The following NR3C1 variants were observed in gnomAD, a reference collection of about 807,000 sequenced individuals.
The protein encoded by NR3C1 is glucocorticoid receptor.
NR3C1 carries 14 observed loss-of-function variants against 74.0 expected under a neutral mutation model. The ratio of observed to expected loss-of-function variants is 0.19; its 90% CI spans 0.12 to 0.30. NR3C1 has a LOEUF of 0.30. Among genes scored for constraint, NR3C1 ranks in the 10% least tolerant of loss-of-function variants. The pLI is 1.00. For synonymous variants in NR3C1, 308 were observed against 332.5 expected (o/e 0.93, Z 0.80); for missense variants, 695 against 909.8 (o/e 0.76, Z 3.04).
upstream of NR3C1, among the ~76,000 whole-genome samples, chr5:143,406,249 C>T (rs910283295): frequency 2.6e-5 from 4 of 151,952 alleles, no homozygotes; most frequent in African/African-American, 7.3e-5. Flanking sequence ...CCTCATCGCT[C>T]ATACATGCTC....
chr5:143,414,497 A>C (rs1014181018), intron 1 of NR3C1, among the ~76,000 whole-genome samples: 1 of 152,218 alleles, frequency 6.6e-6, no homozygotes, highest in African/African-American at 2.4e-5. Context: ...AATTACCATC[A>C]GCAAATAGTT....
intron 6 of NR3C1, among the ~76,000 whole-genome samples, chr5:143,297,809 G>C (rs924245555): frequency 3.9e-5 from 6 of 152,214 alleles, no homozygotes; most frequent in Non-Finnish European, 8.8e-5. Context: ...TGAACACCAA[G>C]AGTCTAAGAG....
exon 1 of NR3C1, chr5:143,435,280 A>G: frequency 1.0e-6 from 1 of 985,292 alleles, no homozygotes; most frequent in Non-Finnish European, 1.2e-6. Flanking sequence ...ACGGTCCTGC[A>G]GGGCTTGAAA....
chr5:143,344,888 C>G (rs916799587), intron 2 of NR3C1, among the ~76,000 whole-genome samples: 4 of 151,848 alleles, frequency 2.6e-5, no homozygotes, highest in Non-Finnish European at 2.9e-5. Context: ...CCACCCTCAC[C>G]CCCCACAAAA....
chr5:143,323,272 T>A lies in NR3C1; in HGVS notation c.1185-9104A>T, dbSNP rs374653354. ...GGAAGAAAAAGAGGTTTAATTGGAC[T>A]TACAGTTCCACATGGCTGGGGAAGC... On this transcript the variant is annotated intron_variant, in intron 2 of 8. Coordinates refer to ENST00000394464, the MANE Select transcript of NR3C1 (RefSeq NM_000176.3). Among the ~76,000 whole-genome samples the A allele has an allele frequency of 2.6e-5, 4 of 152,284 alleles. No individual in the cohort carries two copies. The East Asian group carries it at 7.7e-4, about 29-fold the overall frequency.
chr5:143,295,485 C>T lies in NR3C1; in HGVS notation c.1998G>A (p.Met666Ile). Residue 666 changes from methionine (M) to isoleucine (I), a missense_variant, in exon 7 of 9, where the codon ATG becomes ATA. By Grantham distance (10) the Met-to-Ile change is conservative. This residue lies in a region of NR3C1 where 133 missense variants were observed against 287.9 expected (regional missense o/e 0.46). Transcript: ENST00000394464. ...LQVSYEEYLC[M>I]KTLLLLSSVP... ...CTGAAGAGAGAAGCAGTAAGGTTTT[C>T]ATACAGAGATACTCTTCATAAGATA... 1 of 1,613,006 alleles carries T rather than the reference C, an allele frequency of 6.2e-7. No individual in the cohort carries two copies. The highest frequency in any genetic ancestry group is 8.5e-7 in the Non-Finnish European group (1 of 1,179,326).
chr5:143,370,653 A>C (rs971152002), intron 2 of NR3C1, among the ~76,000 whole-genome samples: 1 of 152,214 alleles, frequency 6.6e-6, no homozygotes, highest in East Asian at 1.9e-4. Context: ...ATTTAGCTGA[A>C]GCTGTATTGG....
At chr5:143,313,420 A>G (rs1339606493) in intron 3 of NR3C1, among the ~76,000 whole-genome samples, 1 of 152,108 alleles carries the variant, frequency 6.6e-6, no homozygotes, top group Non-Finnish European at 1.5e-5. Context: ...CCTCATCTAT[A>G]TTATAATCTC....
chr5:143,421,234 T>C (rs1311216451), intron 1 of NR3C1, among the ~76,000 whole-genome samples: 1 of 152,154 alleles, frequency 6.6e-6, no homozygotes, highest in African/African-American at 2.4e-5. Context: ...TCCCATAGTC[T>C]TCCTAACACT....
intron 2 of NR3C1, among the ~76,000 whole-genome samples, chr5:143,362,905 G>T (rs1228836464): frequency 6.6e-6 from 1 of 152,174 alleles, no homozygotes; most frequent in Non-Finnish European, 1.5e-5. Flanking sequence ...GTCTGTAAGG[G>T]CTTTGAAAGG....
intron 4 of NR3C1, among the ~76,000 whole-genome samples, chr5:143,306,819 T>C (rs1819691001): frequency 6.6e-6 from 1 of 151,812 alleles, no homozygotes. Flanking sequence ...AAGCATATAA[T>C]TGGTTATTTT....
chr5:143,288,872 G>T (rs945007216), intron 7 of NR3C1, among the ~76,000 whole-genome samples: 1 of 151,964 alleles, frequency 6.6e-6, no homozygotes, highest in Non-Finnish European at 1.5e-5. Context: ...TTGGGAGGCC[G>T]AGGTGGGTGG....
chr5:143,313,235 T>C (rs1377066328), intron 3 of NR3C1, among the ~76,000 whole-genome samples: 3 of 152,236 alleles, frequency 2.0e-5, no homozygotes, highest in Non-Finnish European at 4.4e-5. Context: ...TTAGACTCTC[T>C]TCTAATAAAT....
At chr5:143,364,320 T>C (rs990315397) in intron 2 of NR3C1, among the ~76,000 whole-genome samples, 3 of 152,170 alleles carry the variant, frequency 2.0e-5, no homozygotes, top group Non-Finnish European at 1.5e-5. Context: ...AAGGATAAAT[T>C]AACACATTCC....
At chr5:143,322,155 C>T (rs1390032366) in intron 2 of NR3C1, among the ~76,000 whole-genome samples, 1 of 152,168 alleles carries the variant, frequency 6.6e-6, no homozygotes, top group Non-Finnish European at 1.5e-5. Context: ...TAATCCTCTC[C>T]ACAGACCTAA....
intron 2 of NR3C1, among the ~76,000 whole-genome samples, chr5:143,318,791 A>G (rs537216759): frequency 1.3e-5 from 2 of 152,330 alleles, no homozygotes; most frequent in South Asian, 2.1e-4. Context: ...ATCAAATGCT[A>G]TATGCGATAT....
intron 2 of NR3C1, among the ~76,000 whole-genome samples, chr5:143,395,065 T>A (rs946350897): frequency 6.6e-6 from 1 of 152,006 alleles, no homozygotes; most frequent in Non-Finnish European, 1.5e-5. Context: ...AATTTTGAAC[T>A]GCAATAAAAT....
intron 2 of NR3C1, among the ~76,000 whole-genome samples, chr5:143,335,192 G>A (rs1445411056): frequency 6.6e-6 from 1 of 152,152 alleles, no homozygotes; most frequent in African/African-American, 2.4e-5. Flanking sequence ...TACATGCCGA[G>A]GCCCTTCCAG....
intron 2 of NR3C1, among the ~76,000 whole-genome samples, chr5:143,340,859 T>C (rs1429012928): frequency 6.6e-6 from 1 of 152,168 alleles, no homozygotes; most frequent in Non-Finnish European, 1.5e-5. Context: ...GGGATACATG[T>C]GAGGGTTCGT....
Sources: gnomAD v4.1 joint callset for allele counts (sites outside exome capture counted in the v4.1 genomes callset) on GRCh38, gnomAD v4.1.1 for gene constraint, gnomAD v4.1.1 regional missense constraint, MANE v1.5 for transcripts, NCBI Gene and HGNC (gene_info 2026-07-23, HGNC 2026-07-21) for gene names.